Variants in PTP4A2 observed in about 807,000 individuals in gnomAD.
PTP4A2 encodes protein tyrosine phosphatase type IVA 2.
A neutral mutation model predicts 22.9 loss-of-function variants in PTP4A2; 2 were observed. The ratio of observed to expected loss-of-function variants is 0.09; its 90% confidence interval spans 0.04 to 0.27. PTP4A2 has a LOEUF of 0.27. PTP4A2 is among the 10% of genes least tolerant of loss of function. PTP4A2 has a pLI of 1.00. For missense variants in PTP4A2, 103 were observed against 205.1 expected, an observed-to-expected ratio of 0.50 and a Z score of 3.04; for synonymous variants, 68 against 69.1, an observed-to-expected ratio of 0.98 and a Z score of 0.08.
At chr1:31,920,356 T>C (rs1652081151) in intron 1 of PTP4A2, among the ~76,000 whole-genome samples, 1 of 151,314 alleles carries the variant, frequency 6.6e-6, no homozygotes, top group African/African-American at 2.4e-5. Flanking sequence ...GGCAGGAGAA[T>C]TGCTTGAACC....
In PTP4A2 at chr1:31,925,815, T is replaced by A. The variant is rs538636559; in HGVS notation, c.-593-6157A>T. On this transcript the variant is annotated intron_variant, in intron 1 of 5. Transcript: ENST00000647444. ...AGGGAATTTTATAAAAGCAGCCTCA[T>A]TTAATTTAACCCAATTTTACCGGGC... Among the ~76,000 whole-genome samples, 3 of 151,550 alleles carry A rather than the reference T, an allele frequency of 2.0e-5. No individual in the cohort carries two copies. In the East Asian group the frequency reaches 5.9e-4, roughly 30 times the overall value.
chr1:31,927,472 C>T (rs996135449), intron 1 of PTP4A2, among the ~76,000 whole-genome samples: 2 of 152,064 alleles, frequency 1.3e-5, no homozygotes, highest in African/African-American at 4.8e-5. Context: ...ATTCAATTTA[C>T]CCACGTAACA....
Position 31,926,351 on chromosome 1 carries a change from C to A in PTP4A2, c.-593-6693G>T, listed in dbSNP as rs941869842. Among the ~76,000 whole-genome samples, 5 of 151,690 alleles carry A rather than the reference C, an allele frequency of 3.3e-5. No homozygotes were observed. The South Asian group carries it at 1.0e-3, about 32-fold the overall frequency. ...AATTCTAGATTTAAGGAAATACAGTCTAAAAGCAAAGGTCTAAAAAAAACG... is the reference window on the plus strand; with the variant it reads ...AATTCTAGATTTAAGGAAATACAGTATAAAAGCAAAGGTCTAAAAAAAACG... On this transcript the variant is annotated intron_variant, in intron 1 of 5. Coordinates refer to ENST00000647444, the MANE Select transcript of PTP4A2 (RefSeq NM_080391.4).
intron 2 of PTP4A2, among the ~76,000 whole-genome samples, 153 bp downstream of exon 2, chr1:31,918,817 T>G (rs1651992840): frequency 6.6e-6 from 1 of 152,220 alleles, no homozygotes; most frequent in Non-Finnish European, 1.5e-5. Flanking sequence ...AAAATGTTCT[T>G]GAAAAAATCT....
intron 5 of PTP4A2, among the ~76,000 whole-genome samples, chr1:31,909,684 AAG>A (rs1373215146): frequency 6.6e-5 from 10 of 151,282 alleles, no homozygotes; most frequent in Admixed American, 2.6e-4. Flanking sequence ...AAAAAAAAAA[AAG>A]AGTCTCAGGT....
intron 2 of PTP4A2, among the ~76,000 whole-genome samples, chr1:31,916,345 CAA>C (rs1167002913): frequency 0.096 from 3,351 of 34,730 alleles, 221 homozygotes; most frequent in African/African-American, 0.26. Flanking sequence ...ACTCCGTCTC[CAA>C]AAAAAAAAAA....
At chr1:31,923,735 C>T (rs1434798993) in intron 1 of PTP4A2, among the ~76,000 whole-genome samples, 1 of 152,074 alleles carries the variant, frequency 6.6e-6, no homozygotes, top group Non-Finnish European at 1.5e-5. Context: ...GCTATGTTGC[C>T]CAGGCTGGTC....
intron 3 of PTP4A2, among the ~76,000 whole-genome samples, chr1:31,913,217 C>G (rs1651637260): frequency 6.6e-6 from 1 of 152,202 alleles, no homozygotes; most frequent in South Asian, 2.1e-4. Context: ...GGGATATCCT[C>G]TTACCATGAA....
intron 1 of PTP4A2, among the ~76,000 whole-genome samples, chr1:31,931,711 A>C (rs1036199606): frequency 6.6e-6 from 1 of 152,190 alleles, no homozygotes; most frequent in African/African-American, 2.4e-5. Flanking sequence ...GAAAGACCCA[A>C]TTTGCATAAT....
chr1:31,927,476 C>T (rs1359415441), intron 1 of PTP4A2, among the ~76,000 whole-genome samples: 4 of 151,994 alleles, frequency 2.6e-5, no homozygotes, highest in African/African-American at 7.3e-5. Context: ...AATTTACCCA[C>T]GTAACAAACC....
At chr1:31,928,678 C>CA (rs1652588503) in intron 1 of PTP4A2, among the ~76,000 whole-genome samples, 1 of 116,020 alleles carries the variant, frequency 8.6e-6, no homozygotes, top group Non-Finnish European at 1.6e-5. Flanking sequence ...GCCTGGGTGA[C>CA]AGAGTGAAAC....
At chr1:31,908,982 A>C (rs781737488) in intron 5 of PTP4A2, 22 bp from the exon 6 acceptor site, 4 of 1,536,706 alleles carry the variant, frequency 2.6e-6, no homozygotes, top group Non-Finnish European at 3.6e-6. Context: ...AGAATGGCAA[A>C]CTTTATCATG....
At position 31,933,398 on chromosome 1, in the gene PTP4A2, G is replaced by GA. The variant is rs958951350; in HGVS notation, c.-594+4588dup. ...TTTAAGTACTTTAAGCCCCTAAAAG[G>GA]AAAAAAAAAATTATTCACTGCTATC... On this transcript the variant is annotated intron_variant, in intron 1 of 5. Coordinates refer to ENST00000647444, the MANE Select transcript of PTP4A2 (RefSeq NM_080391.4). Among the ~76,000 whole-genome samples the GA allele has an allele frequency of 1.5e-3, 228 of 149,188 alleles. 1 individual carries two copies. Among genetic ancestry groups the GA allele is most frequent in the Middle Eastern group, 3.4e-3 (1 of 292 alleles).
At position 31,916,369 on chromosome 1, in the gene PTP4A2, A is replaced by AG. The variant is rs1651843254; in HGVS notation, c.97-383_97-382insC. Reference sequence around the variant, plus strand: ...CCAAAAAAAAAAAAAAAAAAAAAAAAAAAGAAATCTACTATTATAAATTAA... The same window carrying AG: ...CCAAAAAAAAAAAAAAAAAAAAAAAAGAAAGAAATCTACTATTATAAATTAA... On this transcript the variant is annotated intron_variant, in intron 2 of 5. Coordinates refer to ENST00000647444, the MANE Select transcript of PTP4A2 (RefSeq NM_080391.4). Among the ~76,000 whole-genome samples, 7 of 150,280 alleles carry AG rather than the reference A, an allele frequency of 4.7e-5. No individual in the cohort carries two copies. In the South Asian group the frequency reaches 1.5e-3, roughly 31 times the overall value.
chr1:31,914,386 C>T (rs563654556), intron 3 of PTP4A2: 2 of 402,698 alleles, frequency 5.0e-6, no homozygotes, highest in South Asian at 1.8e-5. Flanking sequence ...TTTTTTAAAA[C>T]ACATTTGGCT....
intron 1 of PTP4A2, among the ~76,000 whole-genome samples, chr1:31,927,658 C>T (rs80103648): frequency 1.2e-3 from 187 of 152,260 alleles, no homozygotes; most frequent in African/African-American, 4.3e-3. Flanking sequence ...ACCAGGGTAA[C>T]AGCAGTAGGG....
intron 1 of PTP4A2, among the ~76,000 whole-genome samples, chr1:31,930,067 G>GCA (rs1652651820): frequency 2.0e-5 from 3 of 152,176 alleles, no homozygotes; most frequent in African/African-American, 4.8e-5. Flanking sequence ...GGCCGGGCGT[G>GCA]GTGGCTCACG....
rs1652737128 is a variant in PTP4A2 at position 31,931,744 on chromosome 1, CTTGT to C, written c.-594+6239_-594+6242del. ...AATTTAAACTAATCACCAAAGGAAACTTGTTTGTAACCACACATGTGGAATGAAA... is the reference window on the plus strand; with the variant it reads ...AATTTAAACTAATCACCAAAGGAAACTTGTAACCACACATGTGGAATGAAA... On this transcript the variant is annotated intron_variant, in intron 1 of 5. Coordinates refer to ENST00000647444, the MANE Select transcript of PTP4A2 (RefSeq NM_080391.4). Among the ~76,000 whole-genome samples the C allele has an allele frequency of 3.3e-5, 5 of 152,306 alleles. No individual in the cohort carries two copies. The South Asian group carries it at 8.3e-4, about 25-fold the overall frequency.
At chr1:31,916,294 G>T (rs568863491) in intron 2 of PTP4A2, among the ~76,000 whole-genome samples, 6 of 132,482 alleles carry the variant, frequency 4.5e-5, no homozygotes, top group African/African-American at 1.8e-4. Flanking sequence ...GCAGTGAGCC[G>T]AGATCGTGCC....
Sources: allele counts gnomAD v4.1 joint callset (sites outside exome capture counted in the v4.1 genomes callset), GRCh38; gene constraint gnomAD v4.1.1; transcripts MANE v1.5; gene names NCBI Gene and HGNC (gene_info 2026-07-23, HGNC 2026-07-21).